The following ACOT9 variants were observed in gnomAD, a reference collection of about 807,000 sequenced individuals.
The protein encoded by ACOT9 is acyl-coenzyme A thioesterase 9, mitochondrial.
In ACOT9, 34 loss-of-function variants were observed where a neutral mutation model predicts 39.7. The ratio of observed to expected loss-of-function variants is 0.86; its 90% CI spans 0.65 to 1.14. ACOT9 has a LOEUF of 1.14. Ranked by LOEUF, ACOT9 falls within the 50% of genes most tolerant of loss-of-function variation. The pLI, the probability that ACOT9 is intolerant of heterozygous loss-of-function variation, is 0.00. For missense variants in ACOT9, 313 were observed against 344.1 expected, an observed-to-expected ratio of 0.91 and a Z score of 0.71; for synonymous variants, 110 against 120.5, an observed-to-expected ratio of 0.91 and a Z score of 0.57.
intron 1 of ACOT9, 91 bp from the exon 2 acceptor site, chrX:23,736,107 A>G (rs1929944566): frequency 7.3e-6 from 5 of 683,774 alleles, no homozygotes; most frequent in Non-Finnish European, 1.1e-5. Flanking sequence ...ATCTGGCCAT[A>G]TCACCCTTAG....
At chrX:23,719,362 A>G (rs910271653) in intron 8 of ACOT9, among the ~76,000 whole-genome samples, 1 of 112,243 alleles carries the variant, frequency 8.9e-6, no homozygotes, top group Non-Finnish European at 1.9e-5. Flanking sequence ...TAAAAAAAAT[A>G]CTTATTTTGA....
intron 10 of ACOT9, 140 bp downstream of exon 10, chrX:23,707,737 C>CAAA: frequency 7.7e-6 from 3 of 388,967 alleles, no homozygotes; most frequent in Non-Finnish European, 1.2e-5. Context: ...GACTCCATTT[C>CAAA]AAAAAAAACA....
intron 8 of ACOT9, among the ~76,000 whole-genome samples, chrX:23,718,358 TA>T (rs1929152783): frequency 8.9e-6 from 1 of 111,863 alleles, no homozygotes; most frequent in South Asian, 3.7e-4. Context: ...TTCTCTGGAA[TA>T]AAAAGGATCA....
At chrX:23,719,151 T>C (rs1246328732) in intron 8 of ACOT9, among the ~76,000 whole-genome samples, 2 of 109,978 alleles carry the variant, frequency 1.8e-5, no homozygotes, top group Admixed American at 9.9e-5. Context: ...ACATCTGTAG[T>C]CCCAGCTACT....
chrX:23,717,413 AAAAG>A (rs1929119946), intron 8 of ACOT9, among the ~76,000 whole-genome samples: 2 of 112,079 alleles, frequency 1.8e-5, no homozygotes, highest in South Asian at 3.6e-4. Context: ...GCATAAAATT[AAAAG>A]AGAGAGGTCC....
chrX:23,740,717 T>TACACACACACACACACAC (rs67075682), intron 1 of ACOT9, among the ~76,000 whole-genome samples: 7 of 92,101 alleles, frequency 7.6e-5, no homozygotes, highest in East Asian at 7.3e-4. Context: ...CCCCAATACA[T>TACACACACACACACACAC]ACACACACAC....
At chrX:23,725,767 T>C (rs1929499299) in intron 6 of ACOT9, among the ~76,000 whole-genome samples, 1 of 106,394 alleles carries the variant, frequency 9.4e-6, no homozygotes, top group South Asian at 4.0e-4. Flanking sequence ...CAGTGAGCTG[T>C]GATCACGCCA....
intron 6 of ACOT9, among the ~76,000 whole-genome samples, chrX:23,729,792 T>C: frequency 9.1e-6 from 1 of 110,461 alleles, no homozygotes; most frequent in African/African-American, 3.3e-5. Flanking sequence ...CCACCACGCC[T>C]GGCTAATTTT....
Position 23,704,084 on chromosome X carries a change from C to G in ACOT9, c.1259-102G>C, listed in dbSNP as rs989265158. ...ACTACTTGGGAACACTGGGACAGAACAAGATACACTGTTGGGCCGGGGTGT... is the reference window on the plus strand; with the variant it reads ...ACTACTTGGGAACACTGGGACAGAAGAAGATACACTGTTGGGCCGGGGTGT... On this transcript the variant is annotated intron_variant, in intron 15 of 15. Coordinates refer to ENST00000379303, the MANE Select transcript of ACOT9 (RefSeq NM_001037171.2). 6 of 641,613 alleles carry G rather than the reference C, an allele frequency of 9.4e-6. No individual in the cohort carries two copies. In the African/African-American group the frequency reaches 1.1e-4, roughly 12 times the overall value. The allele number at this position is 641,613 out of a possible 1,213,427, so 52.9% of individuals were successfully genotyped here.
intron 4 of ACOT9, 103 bp from the exon 5 acceptor site, chrX:23,731,089 G>A: frequency 1.5e-6 from 1 of 657,384 alleles, no homozygotes; most frequent in Non-Finnish European, 2.2e-6. Flanking sequence ...GAAAAAGAAG[G>A]TCTGGGCCTA....
At chrX:23,728,136 AAT>A in intron 6 of ACOT9, among the ~76,000 whole-genome samples, 1 of 111,629 alleles carries the variant, frequency 9.0e-6, no homozygotes, top group East Asian at 2.8e-4. Context: ...TCTATAAAAA[AAT>A]AGTTTTTTAA....
At chrX:23,736,046 T>C (rs768562091) in intron 1 of ACOT9, 30 bp from the exon 2 acceptor site, 20 of 1,142,189 alleles carry the variant, frequency 1.8e-5, no homozygotes, top group Non-Finnish European at 2.3e-5. Flanking sequence ...ACAGAGCAGA[T>C]CCCACAGCTT....
intron 6 of ACOT9, among the ~76,000 whole-genome samples, chrX:23,729,923 G>A (rs945081682): frequency 8.1e-5 from 9 of 111,142 alleles, no homozygotes; most frequent in Admixed American, 1.9e-4. Context: ...GAGCCACCGC[G>A]CCTGGCCACA....
rs765019822 is a variant in ACOT9 at position 23,733,723 on chromosome X, C to T, written c.146-506G>A. On this transcript the variant is annotated intron_variant, in intron 3 of 15. Transcript: ENST00000379303. The stretch of plus-strand genomic sequence containing the variant: ...TCTCCCAAGTAGCTGGGATTACAGG[C>T]GCTGTGCCACCACACCCGGCTAATT... Among the ~76,000 whole-genome samples, 40 of 106,927 alleles carry T rather than the reference C, an allele frequency of 3.7e-4. No individual in the cohort carries two copies. The East Asian group carries it at 8.8e-3, about 24-fold the overall frequency. 92.9% of individuals were successfully genotyped at this position (106,927 alleles called of 115,157 possible).
At chrX:23,721,855 T>C in intron 8 of ACOT9, 26 bp downstream of exon 8, 1 of 1,150,905 alleles carries the variant, frequency 8.7e-7, no homozygotes, top group African/African-American at 1.8e-5. Flanking sequence ...ACTTAAACAG[T>C]GGACAATCTT....
At chrX:23,739,636 T>A (rs777113504) in intron 1 of ACOT9, among the ~76,000 whole-genome samples, 4 of 110,560 alleles carry the variant, frequency 3.6e-5, no homozygotes, top group Non-Finnish European at 7.6e-5. Flanking sequence ...TACAAAAAAA[T>A]TTTAAAATAT....
intron 2 of ACOT9, 37 bp from the exon 3 acceptor site, chrX:23,734,404 C>A: frequency 1.8e-6 from 2 of 1,093,999 alleles, no homozygotes; most frequent in South Asian, 4.0e-5. Flanking sequence ...AGAGAACCAG[C>A]AATAATTCAA....
intron 9 of ACOT9, among the ~76,000 whole-genome samples, chrX:23,709,615 C>T (rs1436366174): frequency 9.0e-6 from 1 of 111,269 alleles, no homozygotes; most frequent in Admixed American, 9.7e-5. Flanking sequence ...CTTAATTTGG[C>T]TTTCCAAGTC....
rs1173899618 is a variant in ACOT9 at position 23,737,891 on chromosome X, CAG to C, written c.21-1877_21-1876del. ...ATTTGTCTTTTTTTTTTTTTTTAGA[CAG>C]AGTCTCGCTCTGTCGCCCAGGCTGG... On this transcript the variant is annotated intron_variant, in intron 1 of 15. Coordinates refer to ENST00000379303, the MANE Select transcript of ACOT9 (RefSeq NM_001037171.2). Among the ~76,000 whole-genome samples, 3 of 74,193 alleles carry C rather than the reference CAG, an allele frequency of 4.0e-5. No homozygotes were observed. The East Asian group carries it at 1.1e-3, about 28-fold the overall frequency. 64.4% of individuals were successfully genotyped at this position (74,193 alleles called of 115,157 possible).
Sources: allele counts gnomAD v4.1 joint callset (sites outside exome capture counted in the v4.1 genomes callset), GRCh38; gene constraint gnomAD v4.1.1; transcripts MANE v1.5; gene names NCBI Gene and HGNC (gene_info 2026-07-23, HGNC 2026-07-21).